SKP1: variants seen among roughly 807,000 people sequenced by gnomAD.
SKP1 encodes the protein S-phase kinase-associated protein 1.
In SKP1, 1 loss-of-function variant was observed where a neutral mutation model predicts 21.5. The ratio of observed to expected loss-of-function variants is 0.05; its 90% CI spans 0.02 to 0.22. SKP1 has a LOEUF of 0.22. Ranked by LOEUF, SKP1 falls within the 10% of genes least tolerant of loss-of-function variation. The pLI is 1.00. For synonymous variants in SKP1, 59 were observed against 59.3 expected (o/e 0.99, Z 0.03); for missense variants, 70 against 192.0 (o/e 0.36, Z 3.76).
chr5:134,175,160 T>C (rs749916723), intron 1 of SKP1: 3 of 152,232 alleles, frequency 2.0e-5, no homozygotes, highest in Non-Finnish European at 2.9e-5. Flanking sequence ...ACCCATTACA[T>C]CGGTTAAAAT....
chr5:134,174,118 C>A, intron 1 of SKP1, 96 bp from the exon 2 acceptor site: 1 of 755,154 alleles, frequency 1.3e-6, no homozygotes. Flanking sequence ...AACTTATTGA[C>A]CACAAAGTTC....
chr5:134,160,941 G>A, intron 4 of SKP1, 46 bp downstream of exon 4: 1 of 1,397,964 alleles, frequency 7.2e-7, no homozygotes, highest in Non-Finnish European at 9.9e-7. Flanking sequence ...TATAAGAAGT[G>A]TTTAAAGGCT....
Position 134,167,167 on chromosome 5 carries a change from T to C in SKP1, c.171+3A>G. 6.5e-7 allele frequency: 1 copy of C among 1,541,534 alleles called. No homozygotes were observed. On this transcript the variant is annotated splice_donor_region_variant and intron_variant, in intron 3 of 5. Transcript: ENST00000353411. The stretch of plus-strand genomic sequence containing the variant: ...ATAAACTTAAACTCTTTAAAGACCT[T>C]ACCTTTTTTAATATTGCTGCATTCA...
At chr5:134,175,747 T>C (rs761608857) in intron 1 of SKP1, among the ~76,000 whole-genome samples, 2 of 152,238 alleles carry the variant, frequency 1.3e-5, no homozygotes, top group African/African-American at 2.4e-5. Flanking sequence ...TTGGTAATAC[T>C]AAACTCAAAG....
At chr5:134,158,784 T>C (rs1761165672) in intron 4 of SKP1, among the ~76,000 whole-genome samples, 189 bp from the exon 5 acceptor site, 1 of 152,220 alleles carries the variant, frequency 6.6e-6, no homozygotes, top group Admixed American at 6.5e-5. Flanking sequence ...TATACCTCTA[T>C]AATGTTGAAT....
In SKP1 at chr5:134,158,610, T is replaced by C. The variant is rs781575190; in HGVS notation, c.316-15A>G. The stretch of plus-strand genomic sequence containing the variant: ...TAGTTTGCAGCCTGTAAAGAGACAG[T>C]TGTTTTCCTTAAAGTATACTTGATG... On this transcript the variant is annotated splice_polypyrimidine_tract_variant and intron_variant, in intron 4 of 5. Transcript: ENST00000353411. 8 of 1,609,846 alleles carry C rather than the reference T, an allele frequency of 5.0e-6. No individual in the cohort carries two copies. Among genetic ancestry groups the C allele is most frequent in the Non-Finnish European group, 6.8e-6 (8 of 1,177,626 alleles).
At chr5:134,164,740 G>A (rs184793190) in intron 3 of SKP1, among the ~76,000 whole-genome samples, 19 of 152,178 alleles carry the variant, frequency 1.2e-4, no homozygotes, top group East Asian at 7.7e-4. Context: ...ATGAATTAAC[G>A]TAAGACAAGC....
rs888304486 is a variant in SKP1 at position 134,151,600 on chromosome 5, T to G, written c.*6133A>C. The stretch of plus-strand genomic sequence containing the variant: ...AATAAGAGGCTGCTATATAGCAGGT[T>G]GAAAATTTGAAGTTAAGAGATATCA... On this transcript the variant is annotated 3_prime_UTR_variant, in exon 6 of 6. Transcript: ENST00000353411. 4.4e-6 allele frequency: 2 copies of G among 450,536 alleles called. No individual in the cohort carries two copies. Among genetic ancestry groups the G allele is most frequent in the Non-Finnish European group, 8.9e-6 (2 of 223,698 alleles). The allele number at this position is 450,536 out of a possible 1,614,324, so 27.9% of individuals were successfully genotyped here.
chr5:134,159,699 C>A (rs1483586518), intron 4 of SKP1, among the ~76,000 whole-genome samples: 1 of 152,186 alleles, frequency 6.6e-6, no homozygotes, highest in Non-Finnish European at 1.5e-5. Context: ...AGGTTCCTGC[C>A]ACCCCACCCG....
intron 4 of SKP1, among the ~76,000 whole-genome samples, chr5:134,159,027 T>A (rs1761169921): frequency 6.6e-6 from 1 of 152,278 alleles, no homozygotes; most frequent in African/African-American, 2.4e-5. Flanking sequence ...TTCATTGATT[T>A]CTGCCCTTTA....
intron 3 of SKP1, among the ~76,000 whole-genome samples, chr5:134,165,006 G>C (rs1050987529): frequency 3.4e-5 from 5 of 147,596 alleles, no homozygotes; most frequent in African/African-American, 5.0e-5. Flanking sequence ...ACAGAAAGTA[G>C]AATAGTGTTT....
chr5:134,160,361 AATATAT>A (rs747889801), intron 4 of SKP1, among the ~76,000 whole-genome samples: 2 of 150,826 alleles, frequency 1.3e-5, no homozygotes, highest in Non-Finnish European at 3.0e-5. Flanking sequence ...CTGTCTCAAA[AATATAT>A]ATATATATAA....
chr5:134,165,791 C>T (rs1761319180), intron 3 of SKP1, among the ~76,000 whole-genome samples: 1 of 151,870 alleles, frequency 6.6e-6, no homozygotes, highest in South Asian at 2.1e-4. Flanking sequence ...GAGGCTGAGG[C>T]AGGAGAATTG....
At chr5:134,161,259 C>A in intron 3 of SKP1, 129 bp from the exon 4 acceptor site, 1 of 718,930 alleles carries the variant, frequency 1.4e-6, no homozygotes, top group Non-Finnish European at 2.2e-6. Context: ...AACAGCCAAG[C>A]TTGAAAAACA....
In SKP1 at chr5:134,171,664, A is replaced by G. The variant is rs1580622381; in HGVS notation, c.97+2262T>C. Among the ~76,000 whole-genome samples the G allele has an allele frequency of 3.3e-5, 5 of 152,122 alleles. No individual in the cohort carries two copies. In the South Asian group the frequency reaches 1.0e-3, roughly 32 times the overall value. Reference sequence around the variant, plus strand: ...ATCACAATTCCATCCCACCCCAACTAAAAACCGTATTTTCACTTTCCCTAG... The same window carrying G: ...ATCACAATTCCATCCCACCCCAACTGAAAACCGTATTTTCACTTTCCCTAG... On this transcript the variant is annotated intron_variant, in intron 2 of 5. Coordinates refer to ENST00000353411, the MANE Select transcript of SKP1 (RefSeq NM_170679.3).
In SKP1 at chr5:134,170,146, G is replaced by T. The variant is rs528072360; in HGVS notation, c.98-2903C>A. On this transcript the variant is annotated intron_variant, in intron 2 of 5. Coordinates refer to ENST00000353411, the MANE Select transcript of SKP1 (RefSeq NM_170679.3). ...GATTGCGCCATTGCACTCCAGCCTG[G>T]GCAACAAGAGTGAAACTCCATCTCA... 5.3e-5 allele frequency among the ~76,000 whole-genome samples: 8 copies of T among 152,096 alleles called. No individual in the cohort carries two copies. The East Asian group carries it at 1.3e-3, about 26-fold the overall frequency.
rs1437783145 is a variant in SKP1 at position 134,157,234 on chromosome 5, T to TA, written c.*498dup. ...ACATACAGGCTAATCAATACAGTGG[T>TA]ACTCCTTGACTGCAGGAGGCTGGAA... On this transcript the variant is annotated 3_prime_UTR_variant, in exon 6 of 6. Coordinates refer to ENST00000353411, the MANE Select transcript of SKP1 (RefSeq NM_170679.3). 1.2e-5 allele frequency: 2 copies of TA among 161,932 alleles called. No individual in the cohort carries two copies. The highest frequency in any genetic ancestry group is 1.4e-5 in the Non-Finnish European group (1 of 74,010). 10.0% of individuals were successfully genotyped at this position (161,932 alleles called of 1,614,324 possible). A position where few individuals can be genotyped will look rare whatever the true frequency, so the allele number is the denominator to read the frequency against.
At position 134,153,475 on chromosome 5, in the gene SKP1, TTG is replaced by T. The variant is rs2149371706; in HGVS notation, c.*4256_*4257del. 6.6e-6 allele frequency: 1 copy of T among 152,546 alleles called. No homozygotes were observed. The highest frequency in any genetic ancestry group is 1.9e-4 in the East Asian group (1 of 5,192). 9.4% of individuals were successfully genotyped at this position (152,546 alleles called of 1,614,324 possible). A position where few individuals can be genotyped will look rare whatever the true frequency, so the allele number is the denominator to read the frequency against. On this transcript the variant is annotated 3_prime_UTR_variant, in exon 6 of 6. Coordinates refer to ENST00000353411, the MANE Select transcript of SKP1 (RefSeq NM_170679.3). ...CAGCCTGGGGGGCAGAGGTGAGACC[TTG>T]TCTCTTAAAAGAAGAATCAAAAAGC... is the stretch of plus-strand genomic sequence containing the variant.
At chr5:134,161,691 A>G (rs1008822782) in intron 3 of SKP1, 5 of 152,270 alleles carry the variant, frequency 3.3e-5, no homozygotes, top group African/African-American at 1.2e-4. Context: ...AAGCTAATCC[A>G]GCACTCCTCA....
Sources: gnomAD v4.1 joint callset for allele counts (sites outside exome capture counted in the v4.1 genomes callset) on GRCh38, gnomAD v4.1.1 for gene constraint, MANE v1.5 for transcripts, NCBI Gene and HGNC (gene_info 2026-07-23, HGNC 2026-07-21) for gene names.